The following SNX27 variants were observed in gnomAD, a reference collection of about 807,000 sequenced individuals.
The protein encoded by SNX27 is sorting nexin 27.
SNX27 carries 22 observed loss-of-function variants against 71.6 expected under a neutral mutation model. That is an observed-to-expected ratio of 0.31 (90% confidence interval 0.22 to 0.44). The LOEUF is 0.44. Ranked by LOEUF, SNX27 falls within the 20% of genes least tolerant of loss-of-function variation. SNX27 has a pLI of 1.00. For missense variants in SNX27, 531 were observed against 698.6 expected (o/e 0.76, Z 2.70); for synonymous variants, 269 against 277.2 (o/e 0.97, Z 0.29).
intron 1 of SNX27, among the ~76,000 whole-genome samples, chr1:151,636,349 T>C (rs1456503287): frequency 1.3e-5 from 2 of 152,168 alleles, no homozygotes; most frequent in African/African-American, 4.8e-5. Flanking sequence ...TAACCCAGGC[T>C]GGAGTGCAGT....
At chr1:151,693,961 C>A in intron 11 of SNX27, 1 of 1,264,228 alleles carries the variant, frequency 7.9e-7, no homozygotes, top group East Asian at 3.4e-5. Flanking sequence ...TTGGAAGATT[C>A]TGAATAATTA....
chr1:151,695,946 T>C lies in SNX27; in HGVS notation c.*1529T>C, dbSNP rs1671681095. The C allele has an allele frequency of 6.6e-6, 1 of 152,314 alleles. No individual in the cohort carries two copies. The highest frequency in any genetic ancestry group is 2.1e-4 in the South Asian group (1 of 4,830). 9.4% of individuals were successfully genotyped at this position (152,314 alleles called of 1,614,324 possible). A position where few individuals can be genotyped will look rare whatever the true frequency, so the allele number is the denominator to read the frequency against. Reference sequence around the variant, plus strand: ...GGGATCCAATAGTATCTTCAAGGCCTTGGGGAAACTTGCAGTGGGTCAGTG... The same window carrying C: ...GGGATCCAATAGTATCTTCAAGGCCCTGGGGAAACTTGCAGTGGGTCAGTG... On this transcript the variant is annotated 3_prime_UTR_variant, in exon 12 of 12. Coordinates refer to ENST00000458013, the MANE Select transcript of SNX27 (RefSeq NM_001330723.2).
rs995258470 is a variant in SNX27 at position 151,697,655 on chromosome 1, C to T, written c.*3238C>T. ...CTGCGTGGATCCCATAGGATCAAGC[C>T]CTTCTTTGCATGAAGCAGTGTTGTG... On this transcript the variant is annotated 3_prime_UTR_variant, in exon 12 of 12. Coordinates refer to ENST00000458013, the MANE Select transcript of SNX27 (RefSeq NM_001330723.2). 5 of 152,782 alleles carry T rather than the reference C, an allele frequency of 3.3e-5. No individual in the cohort carries two copies. Among genetic ancestry groups the T allele is most frequent in the Non-Finnish European group, 7.3e-5 (5 of 68,202 alleles). 9.5% of individuals were successfully genotyped at this position (152,782 alleles called of 1,614,324 possible).
intron 7 of SNX27, 54 bp from the exon 8 acceptor site, chr1:151,683,302 T>C: frequency 7.1e-7 from 1 of 1,411,632 alleles, no homozygotes; most frequent in Non-Finnish European, 9.8e-7. Context: ...ATCGAGAATG[T>C]ACATAATAAT....
chr1:151,622,250 G>A (rs1375795524), intron 1 of SNX27, among the ~76,000 whole-genome samples: 7 of 152,060 alleles, frequency 4.6e-5, no homozygotes, highest in African/African-American at 1.4e-4. Context: ...CATAAATGAA[G>A]GTATTTCAGC....
chr1:151,649,036 C>T (rs1434493508), intron 2 of SNX27, among the ~76,000 whole-genome samples: 1 of 151,720 alleles, frequency 6.6e-6, no homozygotes, highest in Non-Finnish European at 1.5e-5. Flanking sequence ...GATCTCGGCT[C>T]ACTACAGCCT....
In SNX27 at chr1:151,697,466, G is replaced by C. The variant is rs1477049965; in HGVS notation, c.*3049G>C. On this transcript the variant is annotated 3_prime_UTR_variant, in exon 12 of 12. Transcript: ENST00000458013. The stretch of plus-strand genomic sequence containing the variant: ...TAGGTGAGGGCCCTATAGGTAGTTG[G>C]CCTGTTGGCAGAATTTATTTAGGAA... 6.6e-6 allele frequency: 1 copy of C among 152,634 alleles called. No homozygotes were observed. The highest frequency in any genetic ancestry group is 1.9e-4 in the East Asian group (1 of 5,184). The allele number at this position is 152,634 out of a possible 1,614,324, so 9.5% of individuals were successfully genotyped here. A position where few individuals can be genotyped will look rare whatever the true frequency, so the allele number is the denominator to read the frequency against.
At chr1:151,628,167 C>T (rs1436696215) in intron 1 of SNX27, among the ~76,000 whole-genome samples, 1 of 151,968 alleles carries the variant, frequency 6.6e-6, no homozygotes, top group Non-Finnish European at 1.5e-5. Context: ...CCACCATGCC[C>T]AGCTAATTTT....
intron 1 of SNX27, among the ~76,000 whole-genome samples, chr1:151,618,772 T>C (rs1185274269): frequency 6.6e-6 from 1 of 152,180 alleles, no homozygotes; most frequent in Non-Finnish European, 1.5e-5. Flanking sequence ...GATGATGGCA[T>C]TGCTGACAAA....
intron 7 of SNX27, 133 bp downstream of exon 7, chr1:151,668,768 C>A: frequency 1.5e-6 from 1 of 652,752 alleles, no homozygotes; most frequent in Non-Finnish European, 2.4e-6. Flanking sequence ...GTAAAATGTT[C>A]TATCCCATTT....
chr1:151,687,675 G>A lies in SNX27; in HGVS notation c.1239+4230G>A, dbSNP rs147764900. On this transcript the variant is annotated intron_variant, in intron 8 of 11. Transcript: ENST00000458013. The stretch of plus-strand genomic sequence containing the variant: ...CTGCTTTAAAAACTGTCGGCCTGGC[G>A]CGGTGGCTCACGCCTATAATCCCAG... Among the ~76,000 whole-genome samples, 69 of 152,258 alleles carry A rather than the reference G, an allele frequency of 4.5e-4. No homozygotes were observed. In the East Asian group the frequency reaches 0.012, roughly 27 times the overall value.
chr1:151,651,388 C>G lies in SNX27; in HGVS notation c.544-6847C>G, dbSNP rs574037998. On this transcript the variant is annotated intron_variant, in intron 2 of 11. Transcript: ENST00000458013. ...CTGGCCTGGCGGGGGGCTGACCCCCCCCACCTCCCTCCCGGACGGGGTGGC... is the reference window on the plus strand; with the variant it reads ...CTGGCCTGGCGGGGGGCTGACCCCCGCCACCTCCCTCCCGGACGGGGTGGC... Among the ~76,000 whole-genome samples, 119 of 149,886 alleles carry G rather than the reference C, an allele frequency of 7.9e-4. 2 individuals are homozygous for G. The highest frequency in any genetic ancestry group is 2.1e-3 in the South Asian group (10 of 4,716).
intron 1 of SNX27, among the ~76,000 whole-genome samples, chr1:151,637,780 T>C (rs1428399077): frequency 1.3e-5 from 2 of 152,216 alleles, no homozygotes; most frequent in Non-Finnish European, 2.9e-5. Context: ...CTGAAAAGTT[T>C]ATGGAAGGCT....
chr1:151,693,677 C>CA, intron 11 of SNX27, 194 bp downstream of exon 11: 2 of 1,610,994 alleles, frequency 1.2e-6, no homozygotes, highest in Non-Finnish European at 8.5e-7. Flanking sequence ...ACGGGCTGTG[C>CA]AAAAAAGCCC....
intron 1 of SNX27, among the ~76,000 whole-genome samples, chr1:151,637,280 G>A (rs1219671473): frequency 2.7e-5 from 4 of 149,982 alleles, no homozygotes; most frequent in African/African-American, 9.8e-5. Flanking sequence ...CCGGGTTCAC[G>A]CCATTCTCCT....
rs151216342 is a variant in SNX27, at chr1:151,664,858, T to G, written c.907-1075T>G. Among the ~76,000 whole-genome samples the G allele has an allele frequency of 1.9e-3, 295 of 152,276 alleles. 1 individual carries two copies. The highest frequency in any genetic ancestry group is 6.9e-3 in the African/African-American group (287 of 41,556). On this transcript the variant is annotated intron_variant, in intron 5 of 11. Coordinates refer to ENST00000458013, the MANE Select transcript of SNX27 (RefSeq NM_001330723.2). Reference sequence around the variant, plus strand: ...AGTGTTCCTCTAGCAAGGCTTAGGTTTTTTACACTTTCCTCCCAACTCTGT... The same window carrying G: ...AGTGTTCCTCTAGCAAGGCTTAGGTGTTTTACACTTTCCTCCCAACTCTGT...
intron 2 of SNX27, among the ~76,000 whole-genome samples, chr1:151,640,458 A>G (rs776500987): frequency 1.4e-4 from 22 of 151,992 alleles, no homozygotes; most frequent in Admixed American, 2.6e-4. Flanking sequence ...GCTCACTGCA[A>G]TCTCTGCCTC....
At chr1:151,692,400 TC>T in intron 8 of SNX27, 34 bp from the exon 9 acceptor site, 1 of 1,464,284 alleles carries the variant, frequency 6.8e-7, no homozygotes, top group Non-Finnish European at 9.0e-7. Flanking sequence ...TTCCTGTTTC[TC>T]CTTCCTTTTT....
At chr1:151,659,671 C>T (rs1669869196) in intron 3 of SNX27, 1 of 152,164 alleles carries the variant, frequency 6.6e-6, no homozygotes, top group Non-Finnish European at 1.5e-5. Flanking sequence ...TTGAAATTTA[C>T]TTGTTATCTC....
Sources: allele counts gnomAD v4.1 joint callset (sites outside exome capture counted in the v4.1 genomes callset), GRCh38; gene constraint gnomAD v4.1.1; transcripts MANE v1.5; gene names NCBI Gene and HGNC (gene_info 2026-07-23, HGNC 2026-07-21).